The following PSMA8 variants were observed in gnomAD, a reference collection of about 807,000 sequenced individuals.
PSMA8 encodes the protein proteasome subunit alpha-type 8.
A neutral mutation model predicts 32.4 loss-of-function variants in PSMA8; 18 were observed. That is an observed-to-expected ratio of 0.56 (90% CI 0.38 to 0.82). The LOEUF is 0.82. Ranked by LOEUF, PSMA8 falls within the 40% of genes least tolerant of loss-of-function variation. PSMA8 has a pLI of 0.00. For missense variants in PSMA8, 298 were observed against 300.7 expected, an observed-to-expected ratio of 0.99 and a Z score of 0.07; for synonymous variants, 104 against 98.1, an observed-to-expected ratio of 1.06 and a Z score of -0.36.
chr18:26,192,517 C>A lies in PSMA8; in HGVS notation c.*106C>A. 7.7e-7 allele frequency: 1 copy of A among 1,302,788 alleles called. No individual in the cohort carries two copies. The highest frequency in any genetic ancestry group is 1.0e-6 in the Non-Finnish European group (1 of 993,902). 80.7% of individuals were successfully genotyped at this position (1,302,788 alleles called of 1,614,324 possible). A position where few individuals can be genotyped will look rare whatever the true frequency, so the allele number is the denominator to read the frequency against. ...AACAGTTATTTTGCAGCATTACATG[C>A]AGTACTTGTGTGATGTTTTGAGAAT... On this transcript the variant is annotated 3_prime_UTR_variant, in exon 7 of 7. Coordinates refer to ENST00000415576, the MANE Select transcript of PSMA8 (RefSeq NM_001025096.2).
At chr18:26,173,144 G>A (rs1287942241) in intron 4 of PSMA8, among the ~76,000 whole-genome samples, 1 of 152,108 alleles carries the variant, frequency 6.6e-6, no homozygotes, top group Non-Finnish European at 1.5e-5. Flanking sequence ...AAAAACCAAA[G>A]CCCTTACAGT....
chr18:26,179,963 G>C (rs62087803), intron 6 of PSMA8, among the ~76,000 whole-genome samples: 1 of 149,202 alleles, frequency 6.7e-6, no homozygotes, highest in African/African-American at 2.5e-5. Flanking sequence ...AAAAAAAAAG[G>C]ATTGTTGCCA....
In PSMA8 at chr18:26,183,021, GTT is replaced by G. The variant is rs1354930983; in HGVS notation, c.660+3892_660+3893del. ...GCAGGAGAATTGCTTGAACCCAGGAGTTGGAGGTTGCAATGAGCCAAGATCAT... is the reference window on the plus strand; with the variant it reads ...GCAGGAGAATTGCTTGAACCCAGGAGGGAGGTTGCAATGAGCCAAGATCAT... On this transcript the variant is annotated intron_variant, in intron 6 of 6. Coordinates refer to ENST00000415576, the MANE Select transcript of PSMA8 (RefSeq NM_001025096.2). Among the ~76,000 whole-genome samples, 1,282 of 147,078 alleles carry G rather than the reference GTT, an allele frequency of 8.7e-3. 6 individuals carry two copies. Among genetic ancestry groups the G allele is most frequent in the East Asian group, 0.019 (89 of 4,800 alleles).
At chr18:26,157,724 T>A (rs1231661985) in intron 3 of PSMA8, among the ~76,000 whole-genome samples, 1 of 152,158 alleles carries the variant, frequency 6.6e-6, no homozygotes, top group Admixed American at 6.5e-5. Flanking sequence ...ATAATAATAG[T>A]AACATTTATA....
In PSMA8 at chr18:26,183,246, G is replaced by C. The variant is rs952395913; in HGVS notation, c.660+4116G>C. Among the ~76,000 whole-genome samples, 11 of 149,922 alleles carry C rather than the reference G, an allele frequency of 7.3e-5. 2 individuals are homozygous for C. Among genetic ancestry groups the C allele is most frequent in the African/African-American group, 2.7e-4 (11 of 40,520 alleles). On this transcript the variant is annotated intron_variant, in intron 6 of 6. Coordinates refer to ENST00000415576, the MANE Select transcript of PSMA8 (RefSeq NM_001025096.2). ...GTCTCTACTGAAAATACAAAAATTA[G>C]CTGGGCGTGGTGGTGGGCACCTGTA...
chr18:26,144,481 T>A (rs2054984975), intron 1 of PSMA8, 78 bp from the exon 2 acceptor site: 1 of 1,229,566 alleles, frequency 8.1e-7, no homozygotes, highest in African/African-American at 1.5e-5. Flanking sequence ...TCATTTCCCC[T>A]AAGTCATATG....
intron 1 of PSMA8, among the ~76,000 whole-genome samples, chr18:26,142,369 G>C (rs116854946): frequency 2.1e-3 from 317 of 152,096 alleles, no homozygotes; most frequent in Non-Finnish European, 3.4e-3. Flanking sequence ...TATCACACTT[G>C]ACTACAAAGC....
At chr18:26,170,846 C>T (rs2055214717) in intron 4 of PSMA8, 6 of 1,559,174 alleles carry the variant, frequency 3.8e-6, no homozygotes, top group Non-Finnish European at 5.1e-6. Flanking sequence ...CTGGAAAAAA[C>T]GTGTCACTTT....
chr18:26,143,335 G>A (rs923290501), intron 1 of PSMA8, among the ~76,000 whole-genome samples: 25 of 152,164 alleles, frequency 1.6e-4, no homozygotes, highest in African/African-American at 6.0e-4. Context: ...GTGAGTGTGT[G>A]TGTGTATGAG....
At chr18:26,156,596 A>G (rs927178211) in intron 3 of PSMA8, among the ~76,000 whole-genome samples, 12 of 151,264 alleles carry the variant, frequency 7.9e-5, no homozygotes, top group Admixed American at 1.3e-4. Context: ...TCATATGTGG[A>G]CACTAAAAAA....
At chr18:26,181,551 G>A (rs1297633498) in intron 6 of PSMA8, among the ~76,000 whole-genome samples, 1 of 152,216 alleles carries the variant, frequency 6.6e-6, no homozygotes, top group Non-Finnish European at 1.5e-5. Flanking sequence ...AGTGAGGAAG[G>A]CAGTCAAAAG....
rs1355610395 is a variant in PSMA8, at chr18:26,163,229, A to G, written c.477+4985A>G. 3.1e-3 allele frequency among the ~76,000 whole-genome samples: 260 copies of G among 82,614 alleles called. 6 individuals are homozygous for G. Among genetic ancestry groups the G allele is most frequent in the East Asian group, 0.016 (44 of 2,696 alleles). The allele number at this position is 82,614 out of a possible 152,430, so 54.2% of individuals were successfully genotyped here. A position where few individuals can be genotyped will look rare whatever the true frequency, so the allele number is the denominator to read the frequency against. On this transcript the variant is annotated intron_variant, in intron 4 of 6. Transcript: ENST00000415576. ...TGTGTGTGTGTATATATATATATATATATATATATATATATATATATATAT... is the reference window on the plus strand; with the variant it reads ...TGTGTGTGTGTATATATATATATATGTATATATATATATATATATATATAT...
chr18:26,167,556 G>A (rs2055190183), intron 4 of PSMA8, among the ~76,000 whole-genome samples: 1 of 152,224 alleles, frequency 6.6e-6, no homozygotes, highest in African/African-American at 2.4e-5. Flanking sequence ...GGCCTGTAGG[G>A]AGATAATTAA....
At chr18:26,172,534 A>G (rs1328532763) in intron 4 of PSMA8, among the ~76,000 whole-genome samples, 1 of 152,190 alleles carries the variant, frequency 6.6e-6, no homozygotes, top group Non-Finnish European at 1.5e-5. Context: ...TGTGATACAA[A>G]CCTTATAGAG....
At chr18:26,141,520 G>A (rs2054955623) in intron 1 of PSMA8, among the ~76,000 whole-genome samples, 1 of 151,856 alleles carries the variant, frequency 6.6e-6, no homozygotes, top group Admixed American at 6.6e-5. Flanking sequence ...ATATCCCATG[G>A]CTTGTTGAGA....
intron 6 of PSMA8, among the ~76,000 whole-genome samples, chr18:26,190,111 G>A (rs1337965399): frequency 6.6e-6 from 1 of 152,166 alleles, no homozygotes; most frequent in Non-Finnish European, 1.5e-5. Context: ...AACTCATGGA[G>A]ATACAGAGTA....
chr18:26,150,942 A>T (rs941352124), intron 2 of PSMA8, among the ~76,000 whole-genome samples: 3 of 152,352 alleles, frequency 2.0e-5, no homozygotes, highest in African/African-American at 7.2e-5. Flanking sequence ...CATAGGAAAG[A>T]CTAAATCAGT....
rs772740790 is a variant in PSMA8 at position 26,144,561 on chromosome 18, C to T, written c.105C>T (p.Val35=). 5.0e-6 allele frequency: 8 copies of T among 1,611,096 alleles called. No homozygotes were observed. Among genetic ancestry groups the T allele is most frequent in the East Asian group, 4.5e-5 (2 of 44,804 alleles). ...QEAVKKGSTA[V]GIRGTNIVVL... ...TATGTATTTTAATGACTTGACAGGTCGGAATTCGAGGTACCAATATAGTTG... is the reference window on the plus strand; with the variant it reads ...TATGTATTTTAATGACTTGACAGGTTGGAATTCGAGGTACCAATATAGTTG... The change falls in exon 2 of 7, where the codon GTC becomes GTT. Residue 35 remains valine, a splice_region_variant and synonymous_variant. Transcript: ENST00000415576.
intron 1 of PSMA8, chr18:26,140,058 T>C (rs1028947571): frequency 3.3e-5 from 23 of 703,080 alleles, no homozygotes; most frequent in Non-Finnish European, 6.0e-5. Flanking sequence ...CATGTTTCTC[T>C]GATTGTTCAC....
Sources: gnomAD v4.1 joint callset for allele counts (sites outside exome capture counted in the v4.1 genomes callset) on GRCh38, gnomAD v4.1.1 for gene constraint, MANE v1.5 for transcripts, NCBI Gene and HGNC (gene_info 2026-07-23, HGNC 2026-07-21) for gene names.